The following USP43 variants were observed in gnomAD, a reference collection of about 807,000 sequenced individuals.
The protein encoded by USP43 is ubiquitin carboxyl-terminal hydrolase 43.
USP43 carries 33 observed loss-of-function variants against 90.7 expected under a neutral mutation model. The ratio of observed to expected loss-of-function variants is 0.36; its 90% CI spans 0.28 to 0.49. The LOEUF is 0.49. USP43 is among the 20% of genes least tolerant of loss of function. USP43 has a pLI of 0.98. For missense variants in USP43, 1,274 were observed against 1,476.4 expected (o/e 0.86, Z 2.25); for synonymous variants, 598 against 615.8 (o/e 0.97, Z 0.43).
Position 9,710,125 on chromosome 17 carries a change from C to A in USP43, c.2170+11C>A, listed in dbSNP as rs754522572. ...GCAGCTCCATGAGAGGTAGGTGCTGCTGCTCATGACAGGAGGGGGGTGTGG... is the reference window on the plus strand; with the variant it reads ...GCAGCTCCATGAGAGGTAGGTGCTGATGCTCATGACAGGAGGGGGGTGTGG... On this transcript the variant is annotated intron_variant, in intron 13 of 14. Coordinates refer to ENST00000285199, the MANE Select transcript of USP43 (RefSeq NM_153210.5). The A allele has an allele frequency of 2.7e-6, 4 of 1,483,508 alleles. No individual in the cohort carries two copies. The Admixed American group carries it at 6.9e-5, about 26-fold the overall frequency. 91.9% of individuals were successfully genotyped at this position (1,483,508 alleles called of 1,614,324 possible).
intron 1 of USP43, chr17:9,647,061 C>CAAAAAAAAAAAAAAAAA (rs11305216): frequency 2.5e-5 from 2 of 79,788 alleles, no homozygotes; most frequent in African/African-American, 4.6e-5. Flanking sequence ...TTGCTTCCTG[C>CAAAAAAAAAAAAAAAAA]AAAAAAAAAA....
At chr17:9,669,514 G>A (rs564819153) in intron 3 of USP43, among the ~76,000 whole-genome samples, 1 of 152,234 alleles carries the variant, frequency 6.6e-6, no homozygotes, top group South Asian at 2.1e-4. Context: ...GCCCTACTGC[G>A]TGCTGGGTTG....
In USP43 at chr17:9,675,003, T is replaced by G; in HGVS notation, c.833+20T>G. 1 of 1,604,738 alleles carries G rather than the reference T, an allele frequency of 6.2e-7. No homozygotes were observed. The highest frequency in any genetic ancestry group is 8.5e-7 in the Non-Finnish European group (1 of 1,171,562). On this transcript the variant is annotated intron_variant, in intron 4 of 14. Coordinates refer to ENST00000285199, the MANE Select transcript of USP43 (RefSeq NM_153210.5). ...GACGAGGTACGTGAGTGTCGCGGCT[T>G]GCCCGGTGAACTTGACTTCCATCCT...
rs1917472975 is a variant in USP43 at position 9,729,427 on chromosome 17, A to C, written c.*437A>C. ...CTTAAAGAAAAATATTTTATTTTTA[A>C]TGCTTTTCTGGGATAAGCATTAAAG... is the stretch of plus-strand genomic sequence containing the variant. On this transcript the variant is annotated 3_prime_UTR_variant, in exon 15 of 15. Transcript: ENST00000285199. The C allele has an allele frequency of 6.7e-6, 1 of 150,366 alleles. No homozygotes were observed. Among genetic ancestry groups the C allele is most frequent in the South Asian group, 2.1e-4 (1 of 4,778 alleles). 9.3% of individuals were successfully genotyped at this position (150,366 alleles called of 1,614,324 possible). A position where few individuals can be genotyped will look rare whatever the true frequency, so the allele number is the denominator to read the frequency against.
chr17:9,700,461 G>A (rs1915505830), intron 10 of USP43, among the ~76,000 whole-genome samples: 1 of 152,190 alleles, frequency 6.6e-6, no homozygotes, highest in Non-Finnish European at 1.5e-5. Context: ...GGTGGTGGTG[G>A]TGGGTGATGT....
rs971377969 is a variant in USP43, at chr17:9,650,676, G to A, written c.504+4540G>A. Among the ~76,000 whole-genome samples the A allele has an allele frequency of 1.6e-4, 24 of 152,218 alleles. No individual in the cohort carries two copies. In the East Asian group the frequency reaches 4.6e-3, roughly 29 times the overall value. ...CCTCGGCCTCTCATTACAGGTATGA[G>A]CCACCACGCCCGGCCAACATACCTA... On this transcript the variant is annotated intron_variant, in intron 1 of 14. Coordinates refer to ENST00000285199, the MANE Select transcript of USP43 (RefSeq NM_153210.5).
At chr17:9,723,889 G>A (rs113514412) in intron 14 of USP43, among the ~76,000 whole-genome samples, 5 of 152,182 alleles carry the variant, frequency 3.3e-5, no homozygotes, top group South Asian at 4.1e-4. Context: ...GATTACAGGC[G>A]TGAGCCACCG....
intron 1 of USP43, among the ~76,000 whole-genome samples, chr17:9,650,718 A>C (rs1164182491): frequency 6.6e-6 from 1 of 152,164 alleles, no homozygotes; most frequent in Non-Finnish European, 1.5e-5. Context: ...TGTGGTGAGA[A>C]CATTTACGAT....
chr17:9,711,985 C>T lies in USP43; in HGVS notation c.2188C>T (p.Leu730=). The T allele has an allele frequency of 5.6e-6, 9 of 1,609,896 alleles. No homozygotes were observed. The highest frequency in any genetic ancestry group is 7.6e-6 in the Non-Finnish European group (9 of 1,177,862). ...SSMRGSTSSS[L]SDHWLLRLGS... ...CTCCACAGGCTCTACCAGCTCCTCC[C>T]TGTCTGATCACTGGCTCTTACGGCT... Residue 730 remains leucine, a synonymous_variant, in exon 14 of 15, where the codon CTG becomes TTG. Transcript: ENST00000285199.
intron 12 of USP43, among the ~76,000 whole-genome samples, chr17:9,705,075 A>AG (rs1326982011): frequency 2.0e-5 from 3 of 152,144 alleles, no homozygotes. Context: ...GACAGTGACA[A>AG]GTCTTGATTC....
chr17:9,660,951 A>T (rs569260229), intron 2 of USP43, among the ~76,000 whole-genome samples: 1 of 152,238 alleles, frequency 6.6e-6, no homozygotes, highest in Non-Finnish European at 1.5e-5. Flanking sequence ...TGTTGGGATT[A>T]TCCGGCGTGA....
Position 9,686,772 on chromosome 17 carries a change from A to T in USP43, c.1242-26A>T. 6.2e-7 allele frequency: 1 copy of T among 1,607,988 alleles called. No homozygotes were observed. Among genetic ancestry groups the T allele is most frequent in the Non-Finnish European group, 8.5e-7 (1 of 1,175,496 alleles). ...TGTTGCTGGTTTTTCCTTTGCTGGG[A>T]TAACCCGATTTCCTTGGATTTTCAG... is the stretch of plus-strand genomic sequence containing the variant. On this transcript the variant is annotated intron_variant, in intron 7 of 14. Transcript: ENST00000285199. The surrounding 1 kb of genome is among the most constrained non-coding windows in gnomAD (Gnocchi z 5.5).
intron 2 of USP43, among the ~76,000 whole-genome samples, chr17:9,657,048 T>A (rs964742776): frequency 3.9e-5 from 6 of 152,198 alleles, no homozygotes; most frequent in African/African-American, 1.4e-4. Context: ...ACTACAATCA[T>A]TTGTCATAAG....
Position 9,728,052 on chromosome 17 carries a change from A to G in USP43, c.2434A>G (p.Thr812Ala), listed in dbSNP as rs780692545. The part of the protein sequence containing the change: ...TSRAKQGPFK[T>A]MPLRWSFGSK... ...CCGAGCCAAGCAGGGACCATTCAAG[A>G]CCATGCCTCTGCGGTGGTCCTTTGG... Residue 812 changes from threonine (T) to alanine (A), a missense_variant, in exon 15 of 15, where the codon ACC (threonine) becomes GCC (alanine). This residue lies in a region of USP43 where 285 missense variants were observed against 349.6 expected (regional missense o/e 0.82). Transcript: ENST00000285199. This position sits in a 1 kb window ranked among gnomAD's most constrained non-coding sequence, Gnocchi z 6.2. 1 of 1,613,708 alleles carries G rather than the reference A, an allele frequency of 6.2e-7. No homozygotes were observed. Among genetic ancestry groups the G allele is most frequent in the South Asian group, 1.1e-5 (1 of 91,060 alleles).
chr17:9,696,792 C>A (rs987228526), intron 9 of USP43, among the ~76,000 whole-genome samples: 5 of 152,254 alleles, frequency 3.3e-5, no homozygotes, highest in Non-Finnish European at 7.3e-5. Flanking sequence ...CCTGCCTCTC[C>A]CATGTGGCCC....
At chr17:9,663,578 G>A (rs1432123256) in intron 2 of USP43, among the ~76,000 whole-genome samples, 19 of 151,976 alleles carry the variant, frequency 1.3e-4, no homozygotes, top group Admixed American at 7.9e-4. Context: ...AATTACAGGC[G>A]TGAGCCACTG....
chr17:9,710,524 G>A (rs1277774727), intron 13 of USP43, among the ~76,000 whole-genome samples: 10 of 12,894 alleles, frequency 7.8e-4, no homozygotes, highest in African/African-American at 3.7e-3. Flanking sequence ...TTTTTTTTTT[G>A]AGATGGAGTC....
intron 12 of USP43, among the ~76,000 whole-genome samples, chr17:9,705,289 G>T (rs971791850): frequency 6.2e-5 from 9 of 144,736 alleles, no homozygotes; most frequent in Non-Finnish European, 1.1e-4. Flanking sequence ...TGTTGCACCT[G>T]GCTTTTTTTT....
In USP43 at chr17:9,701,185, G is replaced by C. The variant is rs764359781; in HGVS notation, c.1602G>C (p.Ala534=). The change falls in exon 11 of 15, where the codon GCG becomes GCC. Residue 534 remains alanine, a synonymous_variant. Transcript: ENST00000285199. The surrounding 1 kb of genome is among the most constrained non-coding windows in gnomAD (Gnocchi z 7.2). ...DADSVWQQQQ[A]HQQHSCTLDE... is the part of the protein sequence containing the mutation. ...ACAGTGTGTGGCAGCAGCAGCAGGC[G>C]CATCAGCAGCACAGCTGTACCTTGG... is the stretch of plus-strand genomic sequence containing the variant. The C allele has an allele frequency of 1.9e-6, 3 of 1,561,700 alleles. No homozygotes were observed. The highest frequency in any genetic ancestry group is 2.4e-5 in the South Asian group (2 of 82,580).
Sources: allele counts gnomAD v4.1 joint callset (sites outside exome capture counted in the v4.1 genomes callset), GRCh38; gene constraint gnomAD v4.1.1; regional missense constraint gnomAD v4.1.1; non-coding constraint Gnocchi (gnomAD v3.1); transcripts MANE v1.5; gene names NCBI Gene and HGNC (gene_info 2026-07-23, HGNC 2026-07-21).